Variants in GAS7 observed in about 807,000 individuals in gnomAD.
GAS7 encodes growth arrest-specific protein 7.
Under a neutral mutation model 71.1 loss-of-function variants are expected in GAS7, and 28 were observed. The ratio of observed to expected loss-of-function variants is 0.39; its 90% CI spans 0.29 to 0.54. GAS7 has a LOEUF of 0.54. Ranked by LOEUF, GAS7 falls within the 20% of genes least tolerant of loss-of-function variation. GAS7 has a pLI of 0.62. For synonymous variants in GAS7, 258 were observed against 245.8 expected (o/e 1.05, Z -0.46); for missense variants, 436 against 627.8 (o/e 0.69, Z 3.27).
At chr17:10,158,348 A>ACAAAAAAAC in intron 1 of GAS7, among the ~76,000 whole-genome samples, 1 of 146,178 alleles carries the variant, frequency 6.8e-6, no homozygotes, top group East Asian at 2.0e-4. Flanking sequence ...AAAAAAAAAA[A>ACAAAAAAAC]AAAAAAAAAA....
At chr17:9,920,492 T>C (rs1041519009) in intron 11 of GAS7, among the ~76,000 whole-genome samples, 1 of 152,228 alleles carries the variant, frequency 6.6e-6, no homozygotes, top group Non-Finnish European at 1.5e-5. Context: ...TGCGAAGTAA[T>C]TGCAAACATT....
chr17:10,095,866 C>T (rs56375820), intron 1 of GAS7, among the ~76,000 whole-genome samples: 2,520 of 152,050 alleles, frequency 0.017, 33 homozygotes, highest in Non-Finnish European at 0.026. Flanking sequence ...CCATCCCCTA[C>T]AAACAGCACA....
chr17:10,011,302 G>A (rs1453307114), intron 2 of GAS7, among the ~76,000 whole-genome samples: 1 of 152,204 alleles, frequency 6.6e-6, no homozygotes, highest in Non-Finnish European at 1.5e-5. Context: ...GTGGAATCTG[G>A]CTTTCTGAGA....
intron 5 of GAS7, among the ~76,000 whole-genome samples, chr17:9,957,746 C>T (rs2069305787): frequency 6.6e-6 from 1 of 152,086 alleles, no homozygotes; most frequent in Non-Finnish European, 1.5e-5. Flanking sequence ...GCTCCATCAA[C>T]TCCACCGGTA....
At chr17:10,040,153 C>T (rs1479253698) in intron 1 of GAS7, among the ~76,000 whole-genome samples, 1 of 152,178 alleles carries the variant, frequency 6.6e-6, no homozygotes, top group Admixed American at 6.5e-5. Flanking sequence ...ATTCTATGAT[C>T]GCCCTCATTT....
chr17:10,139,692 C>T (rs1457778953), intron 1 of GAS7, among the ~76,000 whole-genome samples: 3 of 152,168 alleles, frequency 2.0e-5, no homozygotes, highest in Non-Finnish European at 4.4e-5. Flanking sequence ...CTTCAGTTCC[C>T]AGAATTCCTT....
At chr17:10,125,938 C>T (rs1478330034) in intron 1 of GAS7, among the ~76,000 whole-genome samples, 1 of 152,212 alleles carries the variant, frequency 6.6e-6, no homozygotes, top group Non-Finnish European at 1.5e-5. Context: ...TCAGCAGAGC[C>T]AGAGAGAGCT....
chr17:10,072,586 A>G (rs2073351919), intron 1 of GAS7, among the ~76,000 whole-genome samples: 1 of 152,190 alleles, frequency 6.6e-6, no homozygotes, highest in South Asian at 2.1e-4. Flanking sequence ...CTGCCTTCAA[A>G]TATGCTTTCT....
intron 1 of GAS7, among the ~76,000 whole-genome samples, chr17:10,022,702 A>G (rs995112222): frequency 1.3e-5 from 2 of 152,220 alleles, no homozygotes; most frequent in Non-Finnish European, 2.9e-5. Flanking sequence ...GGGATGCGCA[A>G]TGAATGGGGT....
intron 3 of GAS7, among the ~76,000 whole-genome samples, chr17:9,980,770 G>C (rs1466511582): frequency 6.6e-6 from 1 of 152,194 alleles, no homozygotes; most frequent in Non-Finnish European, 1.5e-5. Context: ...ACTAGGAACA[G>C]GATGATGGGG....
intron 1 of GAS7, among the ~76,000 whole-genome samples, chr17:10,045,490 A>C (rs1311855298): frequency 6.6e-6 from 1 of 152,210 alleles, no homozygotes; most frequent in Admixed American, 6.5e-5. Context: ...TGAAGTCAGG[A>C]GTTCAAGGCC....
intron 2 of GAS7, among the ~76,000 whole-genome samples, chr17:9,994,424 T>C (rs1446830681): frequency 1.4e-5 from 2 of 143,042 alleles, no homozygotes; most frequent in Admixed American, 6.8e-5. Flanking sequence ...AAAACAAGCA[T>C]TGGGGAAAGG....
chr17:9,923,770 A>G (rs1252999921), intron 11 of GAS7, among the ~76,000 whole-genome samples: 1 of 152,166 alleles, frequency 6.6e-6, no homozygotes, highest in Non-Finnish European at 1.5e-5. Context: ...CAGCAACTAT[A>G]TTCTCTCTAT....
At chr17:10,036,993 G>C (rs950949548) in intron 1 of GAS7, among the ~76,000 whole-genome samples, 40 of 150,176 alleles carry the variant, frequency 2.7e-4, no homozygotes, top group Non-Finnish European at 5.7e-4. Flanking sequence ...CTCTGGTCCT[G>C]GCCCCGGCCC....
chr17:10,072,271 T>C (rs1459190929), intron 1 of GAS7, among the ~76,000 whole-genome samples: 2 of 152,118 alleles, frequency 1.3e-5, no homozygotes, highest in African/African-American at 2.4e-5. Context: ...CCCCGATACC[T>C]GGTTCAGGCA....
At chr17:9,958,188 T>C (rs1205320058) in intron 5 of GAS7, among the ~76,000 whole-genome samples, 1 of 152,168 alleles carries the variant, frequency 6.6e-6, no homozygotes, top group Non-Finnish European at 1.5e-5. Flanking sequence ...GTCATTAATA[T>C]AACCGACACT....
rs146864024 is a variant in GAS7 at position 10,060,736 on chromosome 17, C to T, written c.184-40839G>A. 2.0e-4 allele frequency among the ~76,000 whole-genome samples: 30 copies of T among 152,304 alleles called. No individual in the cohort carries two copies. In the East Asian group the frequency reaches 3.9e-3, roughly 20 times the overall value. On this transcript the variant is annotated intron_variant, in intron 1 of 13. Coordinates refer to ENST00000432992, the MANE Select transcript of GAS7 (RefSeq NM_201433.2). ...GCAACTGGAATTCTCACACGTTGCT[C>T]GTGCGAACACAAAATGGTATGGTCC...
chr17:10,086,401 C>G (rs1268839092), intron 1 of GAS7, among the ~76,000 whole-genome samples: 1 of 152,148 alleles, frequency 6.6e-6, no homozygotes, highest in African/African-American at 2.4e-5. Flanking sequence ...CCCTGCAACT[C>G]TGAAGGCCAG....
intron 7 of GAS7, among the ~76,000 whole-genome samples, chr17:9,940,593 C>T (rs2068567899): frequency 1.3e-5 from 2 of 152,162 alleles, no homozygotes; most frequent in South Asian, 2.1e-4. Flanking sequence ...AGTGCTGTCC[C>T]CTCTCCCTTC....
Sources: gnomAD v4.1 joint callset for allele counts (sites outside exome capture counted in the v4.1 genomes callset) on GRCh38, gnomAD v4.1.1 for gene constraint, MANE v1.5 for transcripts, NCBI Gene and HGNC (gene_info 2026-07-23, HGNC 2026-07-21) for gene names.